SLC24A3: variants seen among roughly 807,000 people sequenced by gnomAD.
SLC24A3 encodes the protein sodium/potassium/calcium exchanger 3.
A neutral mutation model predicts 75.8 loss-of-function variants in SLC24A3; 28 were observed. That is an observed-to-expected ratio of 0.37 (90% CI 0.27 to 0.51). The LOEUF (loss-of-function observed/expected upper bound fraction) is 0.51, where lower values mean the gene tolerates loss of function less well. SLC24A3 is among the 20% of genes least tolerant of loss of function. The pLI is 0.94. For missense variants in SLC24A3, 663 were observed against 847.8 expected, an observed-to-expected ratio of 0.78 and a Z score of 2.71; for synonymous variants, 372 against 334.1, an observed-to-expected ratio of 1.11 and a Z score of -1.24.
intron 2 of SLC24A3, among the ~76,000 whole-genome samples, chr20:19,424,745 CAAA>C (rs528342351): frequency 1.0e-4 from 5 of 49,150 alleles, no homozygotes; most frequent in East Asian, 1.8e-3. Context: ...AAAACAACAA[CAAA>C]AAAAAAAAAA....
intron 2 of SLC24A3, among the ~76,000 whole-genome samples, chr20:19,416,570 G>A (rs1194281902): frequency 6.6e-6 from 1 of 152,156 alleles, no homozygotes; most frequent in South Asian, 2.1e-4. Context: ...CCTGCAAGCC[G>A]GTGCCTTGTC....
chr20:19,360,354 C>T (rs943544916), intron 2 of SLC24A3, among the ~76,000 whole-genome samples: 1 of 152,238 alleles, frequency 6.6e-6, no homozygotes. Flanking sequence ...CTGTGAATAT[C>T]TCAAAACTTT....
intron 6 of SLC24A3, among the ~76,000 whole-genome samples, chr20:19,642,832 C>G (rs2032091995): frequency 6.6e-6 from 1 of 152,232 alleles, no homozygotes; most frequent in Admixed American, 6.5e-5. Flanking sequence ...ACCCAATTCT[C>G]TCAGCTCTCT....
intron 6 of SLC24A3, among the ~76,000 whole-genome samples, chr20:19,604,916 CA>C (rs1402145678): frequency 2.0e-5 from 3 of 152,172 alleles, no homozygotes; most frequent in African/African-American, 7.2e-5. Flanking sequence ...GTCTAAATCT[CA>C]TCCTTTTTCC....
At chr20:19,623,223 T>C (rs2031826908) in intron 6 of SLC24A3, among the ~76,000 whole-genome samples, 1 of 152,376 alleles carries the variant, frequency 6.6e-6, no homozygotes, top group Non-Finnish European at 1.5e-5. Context: ...CCATGGGCTC[T>C]GGACATTGAA....
At chr20:19,581,504 AAG>A (rs1161118424) in intron 4 of SLC24A3, among the ~76,000 whole-genome samples, 1 of 152,114 alleles carries the variant, frequency 6.6e-6, no homozygotes, top group African/African-American at 2.4e-5. Flanking sequence ...ATGGCAGGAA[AAG>A]AGGGCAGGTG....
intron 6 of SLC24A3, among the ~76,000 whole-genome samples, chr20:19,608,149 C>T (rs6081679): frequency 0.25 from 38,240 of 152,158 alleles, 4,833 homozygotes; most frequent in Middle Eastern, 0.3. Context: ...ATCTTCTCTT[C>T]TTTGAACTGC....
intron 3 of SLC24A3, among the ~76,000 whole-genome samples, chr20:19,533,570 C>CTG (rs74646181): frequency 0.15 from 22,594 of 152,098 alleles, 1,815 homozygotes; most frequent in Middle Eastern, 0.2. Context: ...CAGCGAGACA[C>CTG]TATGCAGAGG....
At chr20:19,360,074 A>G (rs1321701258) in intron 2 of SLC24A3, among the ~76,000 whole-genome samples, 2 of 152,224 alleles carry the variant, frequency 1.3e-5, no homozygotes, top group Non-Finnish European at 2.9e-5. Context: ...AGCCATAGGC[A>G]TGAATGGAAA....
intron 4 of SLC24A3, among the ~76,000 whole-genome samples, chr20:19,584,640 A>G (rs2031268511): frequency 6.6e-6 from 1 of 152,156 alleles, no homozygotes; most frequent in Non-Finnish European, 1.5e-5. Flanking sequence ...TGTCATCTGC[A>G]CAGCCCCTGC....
chr20:19,684,241 C>A lies in SLC24A3; in HGVS notation c.967C>A (p.Leu323Ile), dbSNP rs1204019235. 6.2e-7 allele frequency: 1 copy of A among 1,614,190 alleles called. No individual in the cohort carries two copies. ...GCTGCTGTCAGCCTACCCACACCAG[C>A]TTTCCTTCTCTGAGGCTGGCCTTCG... ...DELLSAYPHQ[L>I]SFSEAGLRIM... The change falls in exon 11 of 17, where the codon CTT (leucine) becomes ATT (isoleucine). Residue 323 changes from leucine to isoleucine, a missense_variant. Leu to Ile is a conservative substitution (Grantham distance 5). Coordinates refer to ENST00000328041, the MANE Select transcript of SLC24A3 (RefSeq NM_020689.4).
At chr20:19,654,494 C>T (rs929737442) in intron 7 of SLC24A3, among the ~76,000 whole-genome samples, 1 of 151,948 alleles carries the variant, frequency 6.6e-6, no homozygotes, top group Non-Finnish European at 1.5e-5. Flanking sequence ...TCCCTGCCCT[C>T]CCACAGAGCC....
intron 1 of SLC24A3, among the ~76,000 whole-genome samples, chr20:19,269,088 A>T (rs1411441629): frequency 1.3e-5 from 2 of 152,364 alleles, no homozygotes; most frequent in Non-Finnish European, 1.5e-5. Flanking sequence ...TTTAGTCACT[A>T]GCCACATGTG....
intron 7 of SLC24A3, among the ~76,000 whole-genome samples, chr20:19,658,709 C>G (rs973247435): frequency 6.6e-6 from 1 of 152,138 alleles, no homozygotes; most frequent in Non-Finnish European, 1.5e-5. Context: ...AAGGCTCCCC[C>G]AATGCCTTCA....
Position 19,685,414 on chromosome 20 carries a change from T to G in SLC24A3, c.1324+53T>G. Reference sequence around the variant, plus strand: ...TTGGGAGCTATTTTGAGCCACTGAGTAGATGCCCTTGACTTAGATTATCTT... The same window carrying G: ...TTGGGAGCTATTTTGAGCCACTGAGGAGATGCCCTTGACTTAGATTATCTT... On this transcript the variant is annotated intron_variant, in intron 12 of 16. Transcript: ENST00000328041. 2.5e-6 allele frequency: 4 copies of G among 1,586,536 alleles called. No individual in the cohort carries two copies. The South Asian group carries it at 4.6e-5, about 18-fold the overall frequency.
chr20:19,521,774 C>G (rs1030838694), intron 3 of SLC24A3, among the ~76,000 whole-genome samples: 1 of 152,154 alleles, frequency 6.6e-6, no homozygotes, highest in Non-Finnish European at 1.5e-5. Flanking sequence ...TTGTTCAGAG[C>G]CAAAGAATAA....
At chr20:19,611,724 T>A (rs1158141032) in intron 6 of SLC24A3, among the ~76,000 whole-genome samples, 1 of 152,204 alleles carries the variant, frequency 6.6e-6, no homozygotes. Context: ...TTTCTCCCAA[T>A]ACAGTACTCC....
intron 16 of SLC24A3, among the ~76,000 whole-genome samples, chr20:19,718,957 T>C (rs1843798160): frequency 6.6e-6 from 1 of 152,192 alleles, no homozygotes; most frequent in Non-Finnish European, 1.5e-5. Context: ...GTTGAGGCAG[T>C]CTGATGCTTA....
At chr20:19,506,798 T>A (rs1219243699) in intron 2 of SLC24A3, among the ~76,000 whole-genome samples, 2 of 152,170 alleles carry the variant, frequency 1.3e-5, no homozygotes, top group Non-Finnish European at 2.9e-5. Flanking sequence ...TAGTATTGAG[T>A]ATGGTATCCA....
Sources: allele counts gnomAD v4.1 joint callset (sites outside exome capture counted in the v4.1 genomes callset), GRCh38; gene constraint gnomAD v4.1.1; transcripts MANE v1.5; gene names NCBI Gene and HGNC (gene_info 2026-07-23, HGNC 2026-07-21).